The following TLR3 variants were observed in gnomAD, a reference collection of about 807,000 sequenced individuals.
TLR3 encodes toll-like receptor 3.
A neutral mutation model predicts 66.4 loss-of-function variants in TLR3; 43 were observed. The ratio of observed to expected loss-of-function variants is 0.65; its 90% CI spans 0.51 to 0.83. TLR3 has a LOEUF of 0.83. Among genes scored for constraint, TLR3 ranks in the 40% least tolerant of loss-of-function variants. The probability of loss-of-function intolerance (pLI) is 0.00; values close to 1 mark genes in which losing one functional copy is unlikely to be tolerated. For synonymous variants in TLR3, 397 were observed against 397.2 expected, an observed-to-expected ratio of 1.00 and a Z score of 0.01; for missense variants, 982 against 1,044.6, an observed-to-expected ratio of 0.94 and a Z score of 0.83.
intron 3 of TLR3, chr4:186,081,954 C>T (rs753203695): frequency 1.2e-5 from 3 of 257,054 alleles, no homozygotes; most frequent in Non-Finnish European, 2.2e-5. Context: ...TGGCCGGGTG[C>T]AGCGGCTCAG....
chr4:186,074,948 C>G (rs547650728), intron 1 of TLR3, among the ~76,000 whole-genome samples: 2 of 152,114 alleles, frequency 1.3e-5, no homozygotes, highest in South Asian at 4.2e-4. Flanking sequence ...ACAACACGCA[C>G]GGACCTGTCA....
chr4:186,074,520 A>G (rs748410944), intron 1 of TLR3, among the ~76,000 whole-genome samples: 1 of 152,194 alleles, frequency 6.6e-6, no homozygotes, highest in Non-Finnish European at 1.5e-5. Flanking sequence ...TGTGAGTGAG[A>G]AGGGAAGTGG....
rs2099303939 is a variant in TLR3, at chr4:186,083,876, A to G, written c.2190A>G (p.Ile730Met). 1 of 1,614,174 alleles carries G rather than the reference A, an allele frequency of 6.2e-7. No individual in the cohort carries two copies. The change falls in exon 4 of 5, where the codon ATA (isoleucine) becomes ATG (methionine). Residue 730 changes from isoleucine to methionine, a missense_variant. Physicochemically the swap from Ile to Met is conservative, Grantham distance 10 (BLOSUM62 1). Transcript: ENST00000296795. This position sits in a 1 kb window ranked among gnomAD's most constrained non-coding sequence, Gnocchi z 4.0. ...TCATCCACTTTGAGGGCTGGAGGAT[A>G]TCTTTTTATTGGAATGTTTCAGTAC... ...VLLIHFEGWR[I>M]SFYWNVSVHR...
Position 186,082,485 on chromosome 4 carries a change from A to T in TLR3, c.799A>T (p.Thr267Ser). Residue 267 changes from threonine to serine, a missense_variant, in exon 4 of 5, where the codon ACT becomes TCT. Transcript: ENST00000296795. ...CCAGCTGTCCACCACCAGCAATACAACTTTCTTGGGACTAAAGTGGACAAA... is the reference window on the plus strand; with the variant it reads ...CCAGCTGTCCACCACCAGCAATACATCTTTCTTGGGACTAAAGTGGACAAA... Reference protein sequence around the residue: ...NSQLSTTSNTTFLGLKWTNLT... With the variant: ...NSQLSTTSNTSFLGLKWTNLT... The T allele has an allele frequency of 6.2e-7, 1 of 1,614,118 alleles. No homozygotes were observed. The highest frequency in any genetic ancestry group is 8.5e-7 in the Non-Finnish European group (1 of 1,180,028).
At chr4:186,071,991 A>G (rs1469232289) in intron 1 of TLR3, among the ~76,000 whole-genome samples, 1 of 152,220 alleles carries the variant, frequency 6.6e-6, no homozygotes, top group African/African-American at 2.4e-5. Flanking sequence ...CTGGGTACAC[A>G]TCCCACCAAA....
chr4:186,081,900 G>T, intron 3 of TLR3: 1 of 195,586 alleles, frequency 5.1e-6, no homozygotes, highest in Non-Finnish European at 1.0e-5. Context: ...TCTGCCCATG[G>T]GATGTGGTGA....
At position 186,074,774 on chromosome 4, in the gene TLR3, C is replaced by T. The variant is rs181664472; in HGVS notation, c.-7-1839C>T. ...TTTCTTTGTATTCTTATTTTATAAG[C>T]TTTTTTCTATTTTTAATTTTCTTCT... On this transcript the variant is annotated intron_variant, in intron 1 of 4. Coordinates refer to ENST00000296795, the MANE Select transcript of TLR3 (RefSeq NM_003265.3). Among the ~76,000 whole-genome samples, 150 of 152,096 alleles carry T rather than the reference C, an allele frequency of 9.9e-4. 2 individuals are homozygous for T. The highest frequency in any genetic ancestry group is 3.5e-3 in the African/African-American group (144 of 41,504).
chr4:186,082,711 C>T lies in TLR3; in HGVS notation c.1025C>T (p.Ser342Leu), dbSNP rs1276480303. ...ACTAAACAAAGTATTTCCCTTGCCT[C>T]ACTCCCCAAGATTGATGATTTTTCT... ...SFTKQSISLA[S>L]LPKIDDFSFQ... Residue 342 changes from serine (S) to leucine (L), a missense_variant, in exon 4 of 5, where the codon TCA becomes TTA. By Grantham distance (145) the Ser-to-Leu change is moderately radical (BLOSUM62 -2). Around this residue, in one of 3 missense-constraint regions of TLR3, gnomAD observed 666 missense variants for 709.0 expected, o/e 0.94. Transcript: ENST00000296795. 2 of 1,614,052 alleles carry T rather than the reference C, an allele frequency of 1.2e-6. No individual in the cohort carries two copies. The highest frequency in any genetic ancestry group is 1.7e-6 in the Non-Finnish European group (2 of 1,179,946).
At position 186,076,604 on chromosome 4, in the gene TLR3, T is replaced by C. The variant is rs760282645; in HGVS notation, c.-7-9T>C. On this transcript the variant is annotated splice_polypyrimidine_tract_variant and intron_variant, in intron 1 of 4. Coordinates refer to ENST00000296795, the MANE Select transcript of TLR3 (RefSeq NM_003265.3). The stretch of plus-strand genomic sequence containing the variant: ...GTTGCTCATACTTTTTAATGTTTCT[T>C]TTCTACAGCAGAATCATGAGACAGA... The C allele has an allele frequency of 1.2e-6, 2 of 1,613,912 alleles. No individual in the cohort carries two copies. Among genetic ancestry groups the C allele is most frequent in the South Asian group, 2.2e-5 (2 of 91,080 alleles).
chr4:186,076,793 T>C lies in TLR3; in HGVS notation c.174T>C (p.Leu58=), dbSNP rs780632564. The C allele has an allele frequency of 2.2e-5, 35 of 1,614,022 alleles. No homozygotes were observed. Among genetic ancestry groups the C allele is most frequent in the African/African-American group, 4.0e-5 (3 of 74,904 alleles). The change falls in exon 2 of 5, where the codon CTT becomes CTC. Residue 58 remains leucine (L), a synonymous_variant. Coordinates refer to ENST00000296795, the MANE Select transcript of TLR3 (RefSeq NM_003265.3). ...CCACAAACATAACAGTGTTGAACCT[T>C]ACCCATAATCAACTCAGAAGATTAC... The part of the protein sequence containing the change: ...DLPTNITVLN[L]THNQLRRLPA...
At position 186,084,925 on chromosome 4, in the gene TLR3, T is replaced by C. The variant is rs2099304123; in HGVS notation, c.*52T>C. ...GGAGAAACTTTCTCAATTTAAAAAG[T>C]TCTATGGCAAATTTAAGTTTTCCAT... is the stretch of plus-strand genomic sequence containing the variant. On this transcript the variant is annotated 3_prime_UTR_variant, in exon 5 of 5. Transcript: ENST00000296795. 1 of 1,469,036 alleles carries C rather than the reference T, an allele frequency of 6.8e-7. No individual in the cohort carries two copies. Among genetic ancestry groups the C allele is most frequent in the Non-Finnish European group, 9.4e-7 (1 of 1,063,206 alleles). The allele number at this position is 1,469,036 out of a possible 1,614,324, so 91.0% of individuals were successfully genotyped here. A position where few individuals can be genotyped will look rare whatever the true frequency, so the allele number is the denominator to read the frequency against.
At position 186,082,604 on chromosome 4, in the gene TLR3, G is replaced by A. The variant is rs970459490; in HGVS notation, c.918G>A (p.Glu306=). The A allele has an allele frequency of 1.2e-6, 2 of 1,614,128 alleles. No homozygotes were observed. Among genetic ancestry groups the A allele is most frequent in the East Asian group, 2.2e-5 (1 of 44,882 alleles). Residue 306 remains glutamate, a synonymous_variant, in exon 4 of 5, where the codon GAG becomes GAA. Transcript: ENST00000296795. ...CACAACTAGAATATTTCTTCCTAGA[G>A]TATAATAATATACAGCATTTGTTTT... is the stretch of plus-strand genomic sequence containing the variant. ...WLPQLEYFFL[E]YNNIQHLFSH... is the part of the protein sequence containing the mutation.
intron 1 of TLR3, among the ~76,000 whole-genome samples, chr4:186,072,892 A>G (rs2099301753): frequency 1.3e-5 from 2 of 152,272 alleles, no homozygotes. Flanking sequence ...ACCGTATGGA[A>G]TAAGAACTAT....
chr4:186,073,664 G>C (rs539435821), intron 1 of TLR3, among the ~76,000 whole-genome samples: 1 of 152,302 alleles, frequency 6.6e-6, no homozygotes, highest in Admixed American at 6.5e-5. Context: ...TTTTAGAGGA[G>C]AGTATCTAAG....
At position 186,082,595 on chromosome 4, in the gene TLR3, C is replaced by A; in HGVS notation, c.909C>A (p.Phe303Leu). The change falls in exon 4 of 5, where the codon TTC becomes TTA. Residue 303 changes from phenylalanine to leucine, a missense_variant. Transcript: ENST00000296795. ...CTTGGCTTCCACAACTAGAATATTT[C>A]TTCCTAGAGTATAATAATATACAGC... The part of the protein sequence containing the change: ...SFAWLPQLEY[F>L]FLEYNNIQHL... The A allele has an allele frequency of 1.9e-6, 3 of 1,614,126 alleles. No homozygotes were observed. In the South Asian group the frequency reaches 3.3e-5, roughly 18 times the overall value.
rs1420954807 is a variant in TLR3, at chr4:186,085,007, A to G, written c.*134A>G. ...TAAATGATTATATTCTATCACAATT[A>G]CATCTCTTCTAGGAAAATGTGTCTC... is the stretch of plus-strand genomic sequence containing the variant. On this transcript the variant is annotated 3_prime_UTR_variant, in exon 5 of 5. Coordinates refer to ENST00000296795, the MANE Select transcript of TLR3 (RefSeq NM_003265.3). The G allele has an allele frequency of 4.0e-6, 3 of 741,196 alleles. No homozygotes were observed. The East Asian group carries it at 8.1e-5, about 20-fold the overall frequency. 45.9% of individuals were successfully genotyped at this position (741,196 alleles called of 1,614,324 possible).
At position 186,082,342 on chromosome 4, in the gene TLR3, C is replaced by G; in HGVS notation, c.656C>G (p.Ala219Gly). The change falls in exon 4 of 5, where the codon GCA becomes GGA. Residue 219 changes from alanine to glycine, a missense_variant. Coordinates refer to ENST00000296795, the MANE Select transcript of TLR3 (RefSeq NM_003265.3). ...TAGTTTTCTCCAGGGTGTTTTCACG[C>G]AATTGGAAGATTATTTGGCCTCTTT... ...IKEFSPGCFH[A>G]IGRLFGLFLN... 6.2e-7 allele frequency: 1 copy of G among 1,604,612 alleles called. No individual in the cohort carries two copies. The highest frequency in any genetic ancestry group is 8.5e-7 in the Non-Finnish European group (1 of 1,174,916).
intron 3 of TLR3, among the ~76,000 whole-genome samples, chr4:186,081,154 A>G (rs1561371390): frequency 6.6e-6 from 1 of 152,050 alleles, no homozygotes; most frequent in Non-Finnish European, 1.5e-5. Flanking sequence ...CATCAATCTT[A>G]GCTACTCAGG....
chr4:186,070,950 C>T (rs991727655), intron 1 of TLR3, among the ~76,000 whole-genome samples: 10 of 152,188 alleles, frequency 6.6e-5, no homozygotes, highest in African/African-American at 2.4e-4. Context: ...CTTCTGCCTA[C>T]ACCTTCTAAA....
Sources: gnomAD v4.1 joint callset for allele counts (sites outside exome capture counted in the v4.1 genomes callset) on GRCh38, gnomAD v4.1.1 for gene constraint, gnomAD v4.1.1 regional missense constraint, Gnocchi (gnomAD v3.1) non-coding constraint, MANE v1.5 for transcripts, NCBI Gene and HGNC (gene_info 2026-07-23, HGNC 2026-07-21) for gene names.